Variants in CERS4 observed in about 807,000 individuals in gnomAD.
CERS4 encodes ceramide synthase 4.
CERS4 carries 65 observed loss-of-function variants against 51.8 expected under a neutral mutation model. That is an observed-to-expected ratio of 1.26 (90% CI 1.03 to 1.54). The LOEUF (loss-of-function observed/expected upper bound fraction) is 1.54, where lower values mean the gene tolerates loss of function less well. CERS4 is among the 40% of genes most tolerant of loss of function. The probability of loss-of-function intolerance (pLI) is 0.00; values close to 1 mark genes in which losing one functional copy is unlikely to be tolerated. For missense variants in CERS4, 563 were observed against 500.4 expected (o/e 1.13, Z -1.19); for synonymous variants, 228 against 208.4 (o/e 1.09, Z -0.81).
intron 3 of CERS4, among the ~76,000 whole-genome samples, chr19:8,253,820 C>T (rs1397352819): frequency 1.3e-5 from 2 of 151,988 alleles, no homozygotes; most frequent in African/African-American, 4.8e-5. Flanking sequence ...GAACTTCTGA[C>T]CTCACGTGAT....
intron 2 of CERS4, among the ~76,000 whole-genome samples, chr19:8,235,358 C>A (rs575193615): frequency 6.6e-6 from 1 of 151,570 alleles, no homozygotes; most frequent in Non-Finnish European, 1.5e-5. Flanking sequence ...AAACTCCTGA[C>A]CTCAGGTGAT....
intron 2 of CERS4, among the ~76,000 whole-genome samples, chr19:8,248,255 C>T (rs1968876314): frequency 6.6e-6 from 1 of 152,154 alleles, no homozygotes; most frequent in Non-Finnish European, 1.5e-5. Context: ...GTCGCCAAGG[C>T]CCAGCCCTGA....
In CERS4 at chr19:8,256,243, G is replaced by T. The variant is rs964174666; in HGVS notation, c.476G>T (p.Trp159Leu). ...ACACCCATTTCCCTGCAGGAGTCAT[G>T]GCTGTGGGCACCAGTAATGTGCTGG... ...GGLSVLYHES[W>L]LWAPVMCWDR... The change falls in exon 7 of 12, where the codon TGG (tryptophan) becomes TTG (leucine). Residue 159 changes from tryptophan (W) to leucine (L), a missense_variant. Physicochemically the swap from Trp to Leu is moderately conservative, Grantham distance 61 (BLOSUM62 -2). Transcript: ENST00000251363. 1 of 1,612,862 alleles carries T rather than the reference G, an allele frequency of 6.2e-7. No homozygotes were observed. Among genetic ancestry groups the T allele is most frequent in the Non-Finnish European group, 8.5e-7 (1 of 1,179,568 alleles).
At chr19:8,235,093 C>T (rs930371362) in intron 2 of CERS4, among the ~76,000 whole-genome samples, 6 of 149,920 alleles carry the variant, frequency 4.0e-5, no homozygotes, top group African/African-American at 1.5e-4. Flanking sequence ...ACTGCAACCT[C>T]TGCCTCCTGG....
chr19:8,252,194 C>A lies in CERS4; in HGVS notation c.173+945C>A, dbSNP rs999164184. On this transcript the variant is annotated intron_variant, in intron 3 of 11. Coordinates refer to ENST00000251363, the MANE Select transcript of CERS4 (RefSeq NM_024552.3). Reference sequence around the variant, plus strand: ...GACCAGCCCGACAAACGTGGTGAAACCCTGTCTCTACTAAAAGTACAAAAA... The same window carrying A: ...GACCAGCCCGACAAACGTGGTGAAAACCTGTCTCTACTAAAAGTACAAAAA... 2.0e-5 allele frequency among the ~76,000 whole-genome samples: 3 copies of A among 151,818 alleles called. No homozygotes were observed. In the South Asian group the frequency reaches 6.2e-4, roughly 32 times the overall value.
intron 2 of CERS4, among the ~76,000 whole-genome samples, chr19:8,218,620 C>G (rs1005094045): frequency 1.3e-5 from 2 of 152,102 alleles, no homozygotes; most frequent in African/African-American, 4.8e-5. Flanking sequence ...CCGAGGAGAT[C>G]TTGAGATGGG....
intron 2 of CERS4, chr19:8,240,601 T>TGTGTGTGTGTGTGTGTGC (rs1968492349): frequency 6.6e-6 from 1 of 152,386 alleles, no homozygotes; most frequent in African/African-American, 2.4e-5. Flanking sequence ...TGTGTGTGTG[T>TGTGTGTGTGTGTGTGTGC]GTGTGTGTGT....
chr19:8,259,898 G>A (rs1026637227), intron 10 of CERS4, among the ~76,000 whole-genome samples: 2 of 152,124 alleles, frequency 1.3e-5, no homozygotes, highest in Admixed American at 1.3e-4. Context: ...GTCGAGAGAG[G>A]AAGAACAGGG....
chr19:8,211,862 A>C (rs564855899), intron 2 of CERS4, among the ~76,000 whole-genome samples: 100 of 146,944 alleles, frequency 6.8e-4, no homozygotes, highest in Admixed American at 5.7e-4. Flanking sequence ...ACTGCACTCC[A>C]GCCTGGGCAA....
intron 3 of CERS4, among the ~76,000 whole-genome samples, chr19:8,253,215 C>T (rs1238449606): frequency 1.1e-4 from 16 of 151,950 alleles, no homozygotes; most frequent in Admixed American, 6.5e-5. Context: ...TCCCTGATCT[C>T]CAAGCCTCTA....
Position 8,262,293 on chromosome 19 carries a change from G to T in CERS4, c.*184G>T. Reference sequence around the variant, plus strand: ...TGCCCACCCACCCTTCTTCCCTCTGGGCAACTGGACAGATCTGGGAGCCAG... The same window carrying T: ...TGCCCACCCACCCTTCTTCCCTCTGTGCAACTGGACAGATCTGGGAGCCAG... On this transcript the variant is annotated 3_prime_UTR_variant, in exon 12 of 12. Coordinates refer to ENST00000251363, the MANE Select transcript of CERS4 (RefSeq NM_024552.3). 1 of 558,026 alleles carries T rather than the reference G, an allele frequency of 1.8e-6. No individual in the cohort carries two copies. Among genetic ancestry groups the T allele is most frequent in the Non-Finnish European group, 2.8e-6 (1 of 355,696 alleles). The allele number at this position is 558,026 out of a possible 1,614,324, so 34.6% of individuals were successfully genotyped here.
At chr19:8,232,090 G>A (rs548501506) in intron 2 of CERS4, among the ~76,000 whole-genome samples, 51 of 150,138 alleles carry the variant, frequency 3.4e-4, no homozygotes, top group Middle Eastern at 3.4e-3. Context: ...TCAGCCTCCC[G>A]AAGCAGTGGA....
chr19:8,214,773 C>A (rs73922266), intron 2 of CERS4, among the ~76,000 whole-genome samples: 2 of 151,954 alleles, frequency 1.3e-5, no homozygotes, highest in Non-Finnish European at 2.9e-5. Flanking sequence ...AGGAGGACTA[C>A]GCAGTGGCCA....
At chr19:8,260,428 G>C (rs1010940617) in intron 10 of CERS4, among the ~76,000 whole-genome samples, 4 of 145,172 alleles carry the variant, frequency 2.8e-5, no homozygotes, top group African/African-American at 1.0e-4. Context: ...GGCTGGACTC[G>C]AACTTCTGAC....
chr19:8,212,953 C>T (rs555209123), intron 2 of CERS4, among the ~76,000 whole-genome samples: 1 of 152,128 alleles, frequency 6.6e-6, no homozygotes, highest in South Asian at 2.1e-4. Flanking sequence ...CAGCCCGTCT[C>T]ACTTTCTTTT....
chr19:8,252,375 A>AT (rs1333273464), intron 3 of CERS4, among the ~76,000 whole-genome samples: 1 of 151,112 alleles, frequency 6.6e-6, no homozygotes, highest in Non-Finnish European at 1.5e-5. Flanking sequence ...CATCTAAAAA[A>AT]AAAAAGAACA....
intron 2 of CERS4, among the ~76,000 whole-genome samples, chr19:8,245,810 G>A (rs1255015512): frequency 1.4e-5 from 2 of 147,214 alleles, no homozygotes; most frequent in Non-Finnish European, 3.0e-5. Flanking sequence ...AAAGTGCTGG[G>A]ATTACAGGCT....
chr19:8,211,557 T>G (rs1285594048), intron 2 of CERS4, among the ~76,000 whole-genome samples: 1 of 152,146 alleles, frequency 6.6e-6, no homozygotes, highest in Non-Finnish European at 1.5e-5. Context: ...AACAGGCTAT[T>G]AAAATATCAC....
In CERS4 at chr19:8,256,717, C is replaced by T. The variant is rs1324476775; in HGVS notation, c.612+7C>T. On this transcript the variant is annotated splice_region_variant and intron_variant, in intron 8 of 11. Transcript: ENST00000251363. ...CTTTGATGTCAAGCGCAAGGTGAGG[C>T]CAAATAAGAGTCTGGAAGACCCAGT... 1 of 1,611,020 alleles carries T rather than the reference C, an allele frequency of 6.2e-7. No homozygotes were observed. The highest frequency in any genetic ancestry group is 8.5e-7 in the Non-Finnish European group (1 of 1,178,716).
Sources: gnomAD v4.1 joint callset for allele counts (sites outside exome capture counted in the v4.1 genomes callset) on GRCh38, gnomAD v4.1.1 for gene constraint, MANE v1.5 for transcripts, NCBI Gene and HGNC (gene_info 2026-07-23, HGNC 2026-07-21) for gene names.